UXS1: variants seen among roughly 807,000 people sequenced by gnomAD.
UXS1 encodes UDP-glucuronic acid decarboxylase 1.
In UXS1, 33 loss-of-function variants were observed where a neutral mutation model predicts 62.6. That is an observed-to-expected ratio of 0.53 (90% CI 0.40 to 0.70). UXS1 has a LOEUF of 0.70. UXS1 is among the 30% of genes least tolerant of loss of function. The pLI, the probability that UXS1 is intolerant of heterozygous loss-of-function variation, is 0.00. For synonymous variants in UXS1, 213 were observed against 206.8 expected (o/e 1.03, Z -0.26); for missense variants, 434 against 556.3 (o/e 0.78, Z 2.21).
intron 5 of UXS1, among the ~76,000 whole-genome samples, chr2:106,153,189 G>T (rs950019376): frequency 4.6e-5 from 7 of 152,226 alleles, no homozygotes; most frequent in Admixed American, 2.0e-4. Context: ...ACCTCCTGGG[G>T]TCAGAACAAA....
Position 106,138,564 on chromosome 2 carries a change from C to A in UXS1, c.472+6626G>T, listed in dbSNP as rs1236026645. ...CCCCTCCACGGTGCTCTGGCCCAGG[C>A]CAGTTTGGGAACAGGGCTCCACAAA... On this transcript the variant is annotated intron_variant, in intron 6 of 14. Transcript: ENST00000283148. The A allele has an allele frequency of 9.1e-6, 9 of 985,372 alleles. No homozygotes were observed. In the Admixed American group the frequency reaches 5.5e-4, roughly 61 times the overall value. 61.0% of individuals were successfully genotyped at this position (985,372 alleles called of 1,614,324 possible).
At chr2:106,176,097 C>T (rs891988429) in intron 1 of UXS1, among the ~76,000 whole-genome samples, 8 of 152,160 alleles carry the variant, frequency 5.3e-5, no homozygotes, top group African/African-American at 1.9e-4. Context: ...GAGACTGGCC[C>T]GCCTGGGTAG....
At chr2:106,156,918 AAT>A (rs1682478678) in intron 5 of UXS1, among the ~76,000 whole-genome samples, 1 of 152,224 alleles carries the variant, frequency 6.6e-6, no homozygotes, top group African/African-American at 2.4e-5. Context: ...TGGTAATAAA[AAT>A]ATATGAAATA....
intron 10 of UXS1, among the ~76,000 whole-genome samples, chr2:106,112,216 C>T (rs1678679062): frequency 6.6e-6 from 1 of 152,198 alleles, no homozygotes; most frequent in Non-Finnish European, 1.5e-5. Flanking sequence ...GAGGATGGTA[C>T]CGAGGGCCTG....
At chr2:106,143,408 C>CAAAAAAAAAAAAAAAAAAAAAAA (rs60493984) in intron 6 of UXS1, among the ~76,000 whole-genome samples, 6 of 38,654 alleles carry the variant, frequency 1.6e-4, no homozygotes, top group Non-Finnish European at 2.2e-4. Flanking sequence ...GACTCCGTCT[C>CAAAAAAAAAAAAAAAAAAAAAAA]AAAAAAAAAA....
chr2:106,093,773 T>C lies in UXS1; in HGVS notation c.*253A>G, dbSNP rs1676851482. 2.5e-6 allele frequency: 1 copy of C among 395,024 alleles called. No homozygotes were observed. Among genetic ancestry groups the C allele is most frequent in the Non-Finnish European group, 4.4e-6 (1 of 228,572 alleles). 24.5% of individuals were successfully genotyped at this position (395,024 alleles called of 1,614,324 possible). A position where few individuals can be genotyped will look rare whatever the true frequency, so the allele number is the denominator to read the frequency against. Reference sequence around the variant, plus strand: ...TGCTCTCACAGCAAGATAAAAAAACTTGAAAATACGCAGAGATGCATCTAC... The same window carrying C: ...TGCTCTCACAGCAAGATAAAAAAACCTGAAAATACGCAGAGATGCATCTAC... On this transcript the variant is annotated 3_prime_UTR_variant, in exon 15 of 15. Coordinates refer to ENST00000283148, the MANE Select transcript of UXS1 (RefSeq NM_001253875.2).
At chr2:106,098,867 C>A in intron 12 of UXS1, 94 bp from the exon 13 acceptor site, 1 of 1,096,706 alleles carries the variant, frequency 9.1e-7, no homozygotes, top group South Asian at 1.3e-5. Context: ...CGTCTACTGG[C>A]CGAGTCTGAC....
At chr2:106,095,946 C>A (rs1677044401) in intron 14 of UXS1, among the ~76,000 whole-genome samples, 1 of 152,202 alleles carries the variant, frequency 6.6e-6, no homozygotes, top group Non-Finnish European at 1.5e-5. Context: ...AGGGAGGCAG[C>A]AGCCGCCCCA....
chr2:106,120,823 G>A (rs1679462585), intron 9 of UXS1, among the ~76,000 whole-genome samples: 1 of 152,238 alleles, frequency 6.6e-6, no homozygotes, highest in African/African-American at 2.4e-5. Flanking sequence ...GAAGGCACAT[G>A]CCTGGTGACT....
At chr2:106,157,071 T>TAACC (rs1407522968) in intron 5 of UXS1, among the ~76,000 whole-genome samples, 1 of 152,066 alleles carries the variant, frequency 6.6e-6, no homozygotes, top group Non-Finnish European at 1.5e-5. Flanking sequence ...AACAGATTAG[T>TAACC]GGTTGCCTAG....
chr2:106,096,221 G>A (rs997600309), intron 14 of UXS1, among the ~76,000 whole-genome samples: 23 of 152,066 alleles, frequency 1.5e-4, no homozygotes, highest in South Asian at 1.0e-3. Flanking sequence ...TGTGGGAGAG[G>A]GAGTGTATGT....
chr2:106,120,411 G>A (rs1679429089), intron 9 of UXS1, among the ~76,000 whole-genome samples: 1 of 152,146 alleles, frequency 6.6e-6, no homozygotes. Context: ...CATAATGACT[G>A]CACAGTGGGA....
intron 5 of UXS1, among the ~76,000 whole-genome samples, chr2:106,152,582 AAAG>A (rs1682120877): frequency 1.3e-5 from 2 of 151,206 alleles, no homozygotes; most frequent in Non-Finnish European, 2.9e-5. Context: ...GAAGGAAAGG[AAAG>A]AAAGAAAAGA....
intron 11 of UXS1, among the ~76,000 whole-genome samples, chr2:106,103,248 A>G (rs1388828525): frequency 6.6e-6 from 1 of 152,244 alleles, no homozygotes; most frequent in Non-Finnish European, 1.5e-5. Context: ...TGAATTTTGC[A>G]CACAATGCCC....
intron 12 of UXS1, among the ~76,000 whole-genome samples, chr2:106,100,244 T>C (rs916395641): frequency 6.6e-6 from 1 of 152,158 alleles, no homozygotes; most frequent in Non-Finnish European, 1.5e-5. Context: ...TTAAATGAGA[T>C]GGAACAAAAC....
chr2:106,141,338 C>T (rs1681078841), intron 6 of UXS1, among the ~76,000 whole-genome samples: 1 of 152,180 alleles, frequency 6.6e-6, no homozygotes, highest in African/African-American at 2.4e-5. Context: ...TTTGTGTTAG[C>T]TGGGTCACAT....
intron 6 of UXS1, among the ~76,000 whole-genome samples, chr2:106,144,919 G>T (rs1681439090): frequency 6.6e-6 from 1 of 152,196 alleles, no homozygotes; most frequent in South Asian, 2.1e-4. Context: ...GACCACAGCA[G>T]ATGTGTACTA....
At chr2:106,186,633 C>T (rs1318497451) in intron 1 of UXS1, among the ~76,000 whole-genome samples, 1 of 151,816 alleles carries the variant, frequency 6.6e-6, no homozygotes, top group Non-Finnish European at 1.5e-5. Context: ...TTGACTGGGT[C>T]CTAGATTTTA....
At chr2:106,151,369 G>C (rs1682003481) in intron 5 of UXS1, among the ~76,000 whole-genome samples, 1 of 152,152 alleles carries the variant, frequency 6.6e-6, no homozygotes, top group African/African-American at 2.4e-5. Flanking sequence ...AGTATTGGGA[G>C]GTGAGGCCTA....
Sources: allele counts gnomAD v4.1 joint callset (sites outside exome capture counted in the v4.1 genomes callset), GRCh38; gene constraint gnomAD v4.1.1; transcripts MANE v1.5; gene names NCBI Gene and HGNC (gene_info 2026-07-23, HGNC 2026-07-21).